Variants in POFUT3 observed in about 807,000 individuals in gnomAD.
POFUT3 encodes protein O-fucosyltransferase 3, also known as GDP-fucose protein O-fucosyltransferase 3.
At chr8:33,442,958 C>CA in the POFUT3 span, among the ~76,000 whole-genome samples, 4 of 151,954 alleles carry the variant, frequency 2.6e-5, no homozygotes, top group Non-Finnish European at 5.9e-5. Context: ...TAATAAAATG[C>CA]AAAAATTAGC....
chr8:33,319,241 A>G, the POFUT3 span, among the ~76,000 whole-genome samples: 15 of 52,672 alleles, frequency 2.8e-4, 4 homozygotes, highest in African/African-American at 2.0e-3. Context: ...TACATAATAT[A>G]TAAATATATT....
the POFUT3 span, among the ~76,000 whole-genome samples, chr8:33,387,927 G>A: frequency 6.6e-6 from 1 of 152,166 alleles, no homozygotes; most frequent in Non-Finnish European, 1.5e-5. Flanking sequence ...AAAAATTTCA[G>A]GAGAAGTTGA....
the POFUT3 span, among the ~76,000 whole-genome samples, chr8:33,451,204 T>C: frequency 6.6e-6 from 1 of 152,046 alleles, no homozygotes; most frequent in Non-Finnish European, 1.5e-5. Flanking sequence ...AATTATACCA[T>C]TGAGAATCCC....
the POFUT3 span, among the ~76,000 whole-genome samples, chr8:33,352,147 G>A: frequency 6.6e-6 from 1 of 152,156 alleles, no homozygotes; most frequent in Non-Finnish European, 1.5e-5. Context: ...TGAGGGTGAA[G>A]CCACAGTCAC....
At chr8:33,453,201 G>A in the POFUT3 span, 27 of 1,610,282 alleles carry the variant, frequency 1.7e-5, 2 homozygotes, top group South Asian at 1.9e-4. Flanking sequence ...GGAGAAAGGC[G>A]AAAGTCCTGC....
chr8:33,329,274 A>G, the POFUT3 span, among the ~76,000 whole-genome samples: 1 of 152,230 alleles, frequency 6.6e-6, no homozygotes, highest in Non-Finnish European at 1.5e-5. Context: ...ATTGCTATTG[A>G]TTGGGCATAC....
At chr8:33,321,863 A>G in the POFUT3 span, among the ~76,000 whole-genome samples, 1 of 152,226 alleles carries the variant, frequency 6.6e-6, no homozygotes, top group Admixed American at 6.5e-5. Context: ...TAGAATACTT[A>G]GGTGCACCTT....
the POFUT3 span, among the ~76,000 whole-genome samples, chr8:33,399,406 G>A: frequency 5.9e-5 from 9 of 152,166 alleles, no homozygotes; most frequent in Non-Finnish European, 8.8e-5. Context: ...TCATAATAAT[G>A]TAAAGAGGGA....
At chr8:33,436,644 G>A in the POFUT3 span, 3 of 868,288 alleles carry the variant, frequency 3.5e-6, no homozygotes, top group South Asian at 1.3e-5. Flanking sequence ...AGAAGAGTGA[G>A]CGAATCTCCC....
At chr8:33,328,391 A>C in the POFUT3 span, among the ~76,000 whole-genome samples, 5 of 151,820 alleles carry the variant, frequency 3.3e-5, no homozygotes, top group East Asian at 1.9e-4. Context: ...CAAAAAACAA[A>C]AAAAAAAAGC....
the POFUT3 span, among the ~76,000 whole-genome samples, chr8:33,461,171 TCGGA>T: frequency 9.9e-5 from 10 of 101,302 alleles, no homozygotes; most frequent in East Asian, 3.3e-3. Context: ...TGGTACTGTG[TCGGA>T]AGGAAGGAAG....
the POFUT3 span, among the ~76,000 whole-genome samples, chr8:33,320,825 G>A: frequency 6.6e-6 from 1 of 152,036 alleles, no homozygotes; most frequent in South Asian, 2.1e-4. Flanking sequence ...CATTCCAGGA[G>A]GCTCAGACAA....
At chr8:33,404,144 T>C in the POFUT3 span, among the ~76,000 whole-genome samples, 1 of 152,146 alleles carries the variant, frequency 6.6e-6, no homozygotes, top group Admixed American at 6.5e-5. Context: ...TTGAGACCAG[T>C]CTGGCCAACA....
the POFUT3 span, among the ~76,000 whole-genome samples, chr8:33,423,756 T>C: frequency 9.4e-5 from 14 of 149,474 alleles, no homozygotes; most frequent in East Asian, 2.7e-3. Context: ...CTAGTATAGA[T>C]TTTGAATCTA....
At chr8:33,394,097 A>C in the POFUT3 span, 1 of 157,770 alleles carries the variant, frequency 6.3e-6, no homozygotes, top group Admixed American at 6.5e-5. Context: ...AGGTAGGAGG[A>C]TCGCTTGAGC....
the POFUT3 span, among the ~76,000 whole-genome samples, chr8:33,332,271 A>G: frequency 6.6e-6 from 1 of 150,926 alleles, no homozygotes; most frequent in Non-Finnish European, 1.5e-5. Context: ...ATTATTTGAG[A>G]TCAGGAGTTC....
At chr8:33,389,704 C>T in the POFUT3 span, 10 of 1,614,096 alleles carry the variant, frequency 6.2e-6, no homozygotes, top group South Asian at 1.1e-4. Context: ...TATGAAAGAG[C>T]TTATAATTGT....
At chr8:33,444,809 C>T in the POFUT3 span, among the ~76,000 whole-genome samples, 1 of 151,658 alleles carries the variant, frequency 6.6e-6, no homozygotes, top group Non-Finnish European at 1.5e-5. Context: ...CAGAGTGAGC[C>T]TCCATCCCAA....
At chr8:33,450,950 C>A in the POFUT3 span, among the ~76,000 whole-genome samples, 1 of 151,978 alleles carries the variant, frequency 6.6e-6, no homozygotes, top group Non-Finnish European at 1.5e-5. Flanking sequence ...GACAGACCCA[C>A]ACCAAAGCAG....
Sources: allele counts gnomAD v4.1 joint callset (sites outside exome capture counted in the v4.1 genomes callset), GRCh38; gene constraint gnomAD v4.1.1; transcripts MANE v1.5; gene names NCBI Gene and HGNC (gene_info 2026-07-23, HGNC 2026-07-21).